Variants in NRXN1 observed in about 807,000 individuals in gnomAD.
The protein encoded by NRXN1 is neurexin-1.
In NRXN1, 39 loss-of-function variants were observed where a neutral mutation model predicts 150.9. The observed-to-expected ratio is 0.26, with a 90% CI of 0.20 to 0.34. The LOEUF (loss-of-function observed/expected upper bound fraction) is 0.34, where lower values mean the gene tolerates loss of function less well. Ranked by LOEUF, NRXN1 falls within the 10% of genes least tolerant of loss-of-function variation. NRXN1 has a pLI of 1.00. For synonymous variants in NRXN1, 924 were observed against 757.0 expected (o/e 1.22, Z -3.62); for missense variants, 1,815 against 1,949.9 (o/e 0.93, Z 1.30).
chr2:50,095,998 C>T lies in NRXN1; in HGVS notation c.3547-4504G>A, dbSNP rs183234684. ...TCCCCTTCCTGTGTCCAAGTGTTCT[C>T]ATATCATTTGACTTTTAAATGACGC... On this transcript the variant is annotated intron_variant, in intron 18 of 22. Coordinates refer to ENST00000401669, the MANE Select transcript of NRXN1 (RefSeq NM_001330078.2). Among the ~76,000 whole-genome samples the T allele has an allele frequency of 7.4e-3, 1,033 of 139,858 alleles. 13 individuals are homozygous for T. Among genetic ancestry groups the T allele is most frequent in the African/African-American group, 0.026 (980 of 37,896 alleles). 91.8% of individuals were successfully genotyped at this position (139,858 alleles called of 152,430 possible).
At chr2:50,211,780 C>T (rs1034830883) in intron 18 of NRXN1, among the ~76,000 whole-genome samples, 1 of 151,318 alleles carries the variant, frequency 6.6e-6, no homozygotes, top group South Asian at 2.1e-4. Context: ...GTTATAAATA[C>T]TAAATATCTC....
At chr2:50,600,845 C>G (rs1008052446) in intron 8 of NRXN1, among the ~76,000 whole-genome samples, 1 of 151,896 alleles carries the variant, frequency 6.6e-6, no homozygotes, top group Non-Finnish European at 1.5e-5. Context: ...CATTAAAGCT[C>G]TGGTATGAAT....
chr2:50,410,095 C>A (rs2083037538), intron 17 of NRXN1, among the ~76,000 whole-genome samples: 1 of 152,092 alleles, frequency 6.6e-6, no homozygotes, highest in African/African-American at 2.4e-5. Context: ...TTCTTTCTAT[C>A]CCTCCTGCTC....
At chr2:50,081,547 C>A (rs1697969682) in intron 19 of NRXN1, among the ~76,000 whole-genome samples, 1 of 151,916 alleles carries the variant, frequency 6.6e-6, no homozygotes. Context: ...CAAGACTCTG[C>A]CTCAAAAAAC....
chr2:50,287,716 A>G (rs982352562), intron 17 of NRXN1, among the ~76,000 whole-genome samples: 5 of 152,166 alleles, frequency 3.3e-5, no homozygotes, highest in Admixed American at 2.0e-4. Context: ...CACTTGTTAA[A>G]TTTAAAAGTA....
At chr2:50,501,850 A>G (rs954079170) in intron 13 of NRXN1, among the ~76,000 whole-genome samples, 2 of 152,166 alleles carry the variant, frequency 1.3e-5, no homozygotes, top group Non-Finnish European at 2.9e-5. Flanking sequence ...CAGCTTGAGT[A>G]TGTACTGCCC....
At chr2:50,423,462 T>C (rs1161510451) in intron 17 of NRXN1, among the ~76,000 whole-genome samples, 6 of 152,074 alleles carry the variant, frequency 3.9e-5, no homozygotes, top group Admixed American at 6.6e-5. Flanking sequence ...TCTTATTCTA[T>C]CTTTAGCAAA....
intron 21 of NRXN1, among the ~76,000 whole-genome samples, chr2:50,027,601 C>T (rs1382518908): frequency 6.6e-6 from 1 of 152,092 alleles, no homozygotes; most frequent in Non-Finnish European, 1.5e-5. Context: ...GCCACCATGT[C>T]CTCCTAATTT....
At chr2:49,960,877 A>G (rs1675817703) in intron 21 of NRXN1, among the ~76,000 whole-genome samples, 1 of 152,184 alleles carries the variant, frequency 6.6e-6, no homozygotes. Context: ...TGACAAAAGC[A>G]TTCTTTTCCC....
chr2:50,796,382 A>C (rs1458182586), intron 5 of NRXN1, among the ~76,000 whole-genome samples: 1 of 152,218 alleles, frequency 6.6e-6, no homozygotes, highest in Non-Finnish European at 1.5e-5. Flanking sequence ...CCTTCTGGCC[A>C]CACGGGTAAT....
rs141828751 is a variant in NRXN1, at chr2:50,271,250, A to C, written c.3365-34280T>G. ...GTCTGATAATTGAACTTAGCTACCA[A>C]TAATGGAAAGTATCATGATTTAAAG... On this transcript the variant is annotated intron_variant, in intron 17 of 22. Transcript: ENST00000401669. Among the ~76,000 whole-genome samples, 1,379 of 152,306 alleles carry C rather than the reference A, an allele frequency of 9.1e-3. 22 individuals carry two copies. The highest frequency in any genetic ancestry group is 0.032 in the African/African-American group (1,312 of 41,558).
chr2:50,787,659 A>T (rs1705325877), intron 5 of NRXN1, among the ~76,000 whole-genome samples: 1 of 151,996 alleles, frequency 6.6e-6, no homozygotes, highest in Non-Finnish European at 1.5e-5. Flanking sequence ...ATTTAAGGTG[A>T]AATAATTTTC....
intron 5 of NRXN1, among the ~76,000 whole-genome samples, chr2:50,638,221 C>T (rs905499732): frequency 1.3e-5 from 2 of 152,100 alleles, no homozygotes; most frequent in African/African-American, 4.8e-5. Context: ...GGAACCCTAC[C>T]CACTTCCACT....
intron 21 of NRXN1, among the ~76,000 whole-genome samples, chr2:50,006,133 A>G (rs142474976): frequency 1.2e-3 from 187 of 152,096 alleles, no homozygotes; most frequent in Middle Eastern, 6.8e-3. Flanking sequence ...TCTCTTTGGT[A>G]TCTCTTCTCT....
chr2:50,894,162 C>G (rs147730519), intron 5 of NRXN1, among the ~76,000 whole-genome samples: 5,460 of 151,554 alleles, frequency 0.036, 175 homozygotes, highest in East Asian at 0.077. Context: ...GTGGGTGCAG[C>G]GCACCAGCAT....
intron 5 of NRXN1, among the ~76,000 whole-genome samples, chr2:50,888,123 TGACA>T (rs1412243315): frequency 6.6e-6 from 1 of 151,462 alleles, no homozygotes; most frequent in African/African-American, 2.4e-5. Context: ...CTGGAAGAAA[TGACA>T]GACAATTCTT....
chr2:50,838,907 G>T (rs1171493765), intron 5 of NRXN1, among the ~76,000 whole-genome samples: 4 of 151,940 alleles, frequency 2.6e-5, no homozygotes, highest in African/African-American at 9.7e-5. Flanking sequence ...CTAACACAGG[G>T]ACATTCCAGA....
At chr2:50,103,127 T>C (rs73932935) in intron 18 of NRXN1, among the ~76,000 whole-genome samples, 1,838 of 152,132 alleles carry the variant, frequency 0.012, 32 homozygotes, top group African/African-American at 0.042. Flanking sequence ...TGAAATGCAA[T>C]TTATAAAAGA....
chr2:50,173,037 T>C (rs777736020), intron 18 of NRXN1, among the ~76,000 whole-genome samples: 3 of 152,168 alleles, frequency 2.0e-5, no homozygotes, highest in East Asian at 1.9e-4. Context: ...TAAATAAACA[T>C]ATACGCGCAA....
Sources: allele counts gnomAD v4.1 joint callset (sites outside exome capture counted in the v4.1 genomes callset), GRCh38; gene constraint gnomAD v4.1.1; transcripts MANE v1.5; gene names NCBI Gene and HGNC (gene_info 2026-07-23, HGNC 2026-07-21).